RBFOX1: variants seen among roughly 807,000 people sequenced by gnomAD.
RBFOX1 encodes the protein RNA binding fox-1 homolog 1.
A neutral mutation model predicts 57.7 loss-of-function variants in RBFOX1; 8 were observed. That is an observed-to-expected ratio of 0.14 (90% CI 0.08 to 0.25). RBFOX1 has a LOEUF of 0.25. RBFOX1 is among the 10% of genes least tolerant of loss of function. RBFOX1 has a pLI of 1.00. For missense variants in RBFOX1, 611 were observed against 548.5 expected, an observed-to-expected ratio of 1.11 and a Z score of -1.14; for synonymous variants, 326 against 222.4, an observed-to-expected ratio of 1.47 and a Z score of -4.15.
At chr16:5,626,560 A>G (rs1455688184) in intron 3 of RBFOX1, among the ~76,000 whole-genome samples, 2 of 152,192 alleles carry the variant, frequency 1.3e-5, no homozygotes, top group East Asian at 3.9e-4. Context: ...GACCCTAACC[A>G]AAAAGATCCT....
At chr16:7,363,114 T>A (rs2097361570) in intron 4 of RBFOX1, among the ~76,000 whole-genome samples, 1 of 152,160 alleles carries the variant, frequency 6.6e-6, no homozygotes, top group Non-Finnish European at 1.5e-5. Context: ...ACTGCTGCTC[T>A]TACGCTGTGA....
chr16:6,059,633 T>C (rs927445950), intron 1 of RBFOX1, among the ~76,000 whole-genome samples: 10 of 152,138 alleles, frequency 6.6e-5, no homozygotes, highest in Admixed American at 5.9e-4. Context: ...TTTTGACACT[T>C]GAGGTTATTC....
intron 4 of RBFOX1, among the ~76,000 whole-genome samples, chr16:7,072,112 G>T (rs1038833450): frequency 1.3e-5 from 2 of 152,144 alleles, no homozygotes; most frequent in African/African-American, 2.4e-5. Context: ...CGGTAAACAT[G>T]TATCTTGAGC....
At chr16:5,461,991 AC>A (rs1485134562) in intron 1 of RBFOX1, among the ~76,000 whole-genome samples, 2 of 152,076 alleles carry the variant, frequency 1.3e-5, no homozygotes, top group African/African-American at 4.8e-5. Context: ...CTGGTTGCCC[AC>A]CAGAAAGGTG....
At chr16:5,469,362 A>G (rs57483861) in intron 2 of RBFOX1, among the ~76,000 whole-genome samples, 5,203 of 152,270 alleles carry the variant, frequency 0.034, 317 homozygotes, top group African/African-American at 0.12. Flanking sequence ...GCAAGGAAGC[A>G]TCTAATGAAG....
chr16:6,234,730 T>C (rs2097491900), intron 1 of RBFOX1, among the ~76,000 whole-genome samples: 1 of 152,170 alleles, frequency 6.6e-6, no homozygotes, highest in Non-Finnish European at 1.5e-5. Flanking sequence ...CTTTTCATGG[T>C]GAAGAAGTTC....
chr16:7,108,601 T>C (rs2064046804), intron 4 of RBFOX1, among the ~76,000 whole-genome samples: 1 of 152,150 alleles, frequency 6.6e-6, no homozygotes, highest in Admixed American at 6.6e-5. Context: ...TGGGATTTGT[T>C]AGAGATATGA....
At chr16:6,465,884 T>TGTGTGTGTG in intron 2 of RBFOX1, among the ~76,000 whole-genome samples, 1 of 146,228 alleles carries the variant, frequency 6.8e-6, no homozygotes, top group Non-Finnish European at 1.5e-5. Flanking sequence ...ATTTGTGTGT[T>TGTGTGTGTG]TGTGTGTGTG....
At chr16:5,606,527 A>C (rs2047586768) in intron 3 of RBFOX1, among the ~76,000 whole-genome samples, 2 of 147,130 alleles carry the variant, frequency 1.4e-5, no homozygotes, top group Non-Finnish European at 1.5e-5. Flanking sequence ...TCCTCATTCC[A>C]CCCCCAACTC....
At chr16:7,221,606 A>G (rs1412199179) in intron 4 of RBFOX1, among the ~76,000 whole-genome samples, 2 of 152,166 alleles carry the variant, frequency 1.3e-5, no homozygotes, top group Admixed American at 6.5e-5. Context: ...ACCTCAGGTG[A>G]TCCACCAACC....
intron 4 of RBFOX1, among the ~76,000 whole-genome samples, 173 bp from the exon 5 acceptor site, chr16:7,517,974 C>T (rs772324742): frequency 4.6e-5 from 7 of 152,012 alleles, no homozygotes; most frequent in Non-Finnish European, 1.0e-4. Context: ...GTTACTGTTT[C>T]CTTATAGGGT....
chr16:7,239,343 AC>A (rs2093939364), intron 4 of RBFOX1, among the ~76,000 whole-genome samples: 1 of 152,066 alleles, frequency 6.6e-6, no homozygotes, highest in South Asian at 2.1e-4. Flanking sequence ...TACTAAAAGT[AC>A]AAAAATTAGC....
intron 4 of RBFOX1, among the ~76,000 whole-genome samples, chr16:7,390,311 C>T (rs1338205514): frequency 1.3e-5 from 2 of 152,232 alleles, no homozygotes; most frequent in African/African-American, 2.4e-5. Flanking sequence ...AACCAATTTT[C>T]CCATAACAAT....
At chr16:5,895,829 TA>T (rs1459805839) in intron 4 of RBFOX1, among the ~76,000 whole-genome samples, 10 of 152,190 alleles carry the variant, frequency 6.6e-5, no homozygotes, top group Non-Finnish European at 1.0e-4. Context: ...ATTTGTATTA[TA>T]AACGGAAAGC....
chr16:7,365,468 C>G lies in RBFOX1; in HGVS notation c.28-152679C>G, dbSNP rs568821341. Among the ~76,000 whole-genome samples, 176 of 152,264 alleles carry G rather than the reference C, an allele frequency of 1.2e-3. 3 individuals carry two copies. In the South Asian group the frequency reaches 0.034, roughly 29 times the overall value. ...ATTAAAATTCTTTCAGTGAGTGATT[C>G]TCAAGAAGGAGTGATTTTTTTCCCC... On this transcript the variant is annotated intron_variant, in intron 4 of 15. Coordinates refer to ENST00000550418, the MANE Select transcript of RBFOX1 (RefSeq NM_018723.4).
Position 6,922,262 on chromosome 16 carries a change from C to T in RBFOX1, c.-15-129795C>T, listed in dbSNP as rs540987510. Among the ~76,000 whole-genome samples the T allele has an allele frequency of 1.6e-3, 236 of 152,202 alleles. 1 individual carries two copies. Among genetic ancestry groups the T allele is most frequent in the South Asian group, 6.8e-3 (33 of 4,820 alleles). On this transcript the variant is annotated intron_variant, in intron 3 of 15. Transcript: ENST00000550418. ...ATCTCAGAAAGACCTGAGCATCCTA[C>T]ATTGATATAAACTGTAACTTATTCA...
At chr16:6,793,113 G>T (rs7185095) in intron 3 of RBFOX1, among the ~76,000 whole-genome samples, 3 of 151,916 alleles carry the variant, frequency 2.0e-5, no homozygotes, top group African/African-American at 7.3e-5. Context: ...AAAGTTCATG[G>T]TACGCCTGCT....
intron 1 of RBFOX1, among the ~76,000 whole-genome samples, chr16:5,255,354 C>CCCTCCATCCATCCACCCATCCA (rs1555468931): frequency 1.2e-5 from 1 of 86,256 alleles, no homozygotes; most frequent in African/African-American, 3.6e-5. Context: ...CCATCCATCC[C>CCCTCCATCCATCCACCCATCCA]TCCATCCATC....
intron 2 of RBFOX1, among the ~76,000 whole-genome samples, chr16:6,604,228 C>A (rs760552990): frequency 6.6e-6 from 1 of 152,050 alleles, no homozygotes; most frequent in Non-Finnish European, 1.5e-5. Context: ...AAGTAGGGAG[C>A]CATGATAGGT....
Sources: allele counts gnomAD v4.1 joint callset (sites outside exome capture counted in the v4.1 genomes callset), GRCh38; gene constraint gnomAD v4.1.1; transcripts MANE v1.5; gene names NCBI Gene and HGNC (gene_info 2026-07-23, HGNC 2026-07-21).